Variants in RAB22A observed in about 807,000 individuals in gnomAD.
RAB22A encodes the protein RAB22A, member RAS oncogene family.
In RAB22A, 13 loss-of-function variants were observed where a neutral mutation model predicts 30.2. The observed-to-expected ratio is 0.43, with a 90% CI of 0.28 to 0.68. RAB22A has a LOEUF of 0.68. RAB22A is among the 30% of genes least tolerant of loss of function. The pLI is 0.18. For synonymous variants in RAB22A, 89 were observed against 87.2 expected (o/e 1.02, Z -0.11); for missense variants, 177 against 246.8 (o/e 0.72, Z 1.89).
rs943455603 is a variant in RAB22A, at chr20:58,317,374, G to A, written c.116+6252G>A. ...GGCCTCCCAAAGTGCTGGGATTGCA[G>A]GCATGAGCCGCCGTGCCTGGCCAAC... On this transcript the variant is annotated intron_variant, in intron 2 of 6. Transcript: ENST00000244040. Among the ~76,000 whole-genome samples, 76 of 152,068 alleles carry A rather than the reference G, an allele frequency of 5.0e-4. 1 individual carries two copies. Among genetic ancestry groups the A allele is most frequent in the South Asian group, 2.5e-3 (12 of 4,808 alleles).
At chr20:58,344,499 C>T (rs1986911316) in intron 3 of RAB22A, among the ~76,000 whole-genome samples, 2 of 152,188 alleles carry the variant, frequency 1.3e-5, no homozygotes, top group South Asian at 2.1e-4. Context: ...GGTACTAAGA[C>T]ACATCTGCTG....
intron 3 of RAB22A, among the ~76,000 whole-genome samples, chr20:58,348,074 A>G (rs1986981574): frequency 6.6e-6 from 1 of 152,152 alleles, no homozygotes; most frequent in South Asian, 2.1e-4. Context: ...TAAAAATACA[A>G]AAATTAGCCA....
In RAB22A at chr20:58,362,463, G is replaced by A. The variant is rs183425174; in HGVS notation, c.*2760G>A. On this transcript the variant is annotated 3_prime_UTR_variant, in exon 7 of 7. Coordinates refer to ENST00000244040, the MANE Select transcript of RAB22A (RefSeq NM_020673.3). ...CATGTTTGGTTTTCTTACGATACAG[G>A]GCCATTTTTTTAAAACTCTCAGGAC... The A allele has an allele frequency of 2.5e-4, 38 of 152,164 alleles. No individual in the cohort carries two copies. The highest frequency in any genetic ancestry group is 8.2e-4 in the African/African-American group (34 of 41,516). 9.4% of individuals were successfully genotyped at this position (152,164 alleles called of 1,614,324 possible). A position where few individuals can be genotyped will look rare whatever the true frequency, so the allele number is the denominator to read the frequency against.
intron 2 of RAB22A, among the ~76,000 whole-genome samples, chr20:58,314,069 G>C (rs1017170521): frequency 1.4e-5 from 2 of 141,430 alleles, no homozygotes; most frequent in Non-Finnish European, 3.0e-5. Context: ...TTTTTTTTGA[G>C]ACTGAGTCTC....
intron 2 of RAB22A, among the ~76,000 whole-genome samples, chr20:58,340,814 G>A (rs1986842700): frequency 6.6e-6 from 1 of 152,226 alleles, no homozygotes; most frequent in Non-Finnish European, 1.5e-5. Context: ...GATGGCACAG[G>A]TGTCTATGGT....
intron 5 of RAB22A, among the ~76,000 whole-genome samples, chr20:58,353,767 G>A (rs373997815): frequency 1.1e-4 from 17 of 152,218 alleles, no homozygotes; most frequent in South Asian, 4.1e-4. Context: ...TACTGGTTGC[G>A]TTGCATCCAA....
chr20:58,333,908 AT>A (rs1004592229), intron 2 of RAB22A, among the ~76,000 whole-genome samples: 8 of 152,160 alleles, frequency 5.3e-5, no homozygotes, highest in Non-Finnish European at 1.2e-4. Context: ...GAATGAAAAA[AT>A]TAGCTGGATT....
intron 2 of RAB22A, among the ~76,000 whole-genome samples, chr20:58,322,021 C>T (rs960806303): frequency 2.6e-5 from 4 of 152,200 alleles, no homozygotes; most frequent in Non-Finnish European, 5.9e-5. Context: ...TGGTCTCAAA[C>T]CCCTGGGCTC....
At chr20:58,332,127 A>G (rs1196668576) in intron 2 of RAB22A, among the ~76,000 whole-genome samples, 1 of 152,248 alleles carries the variant, frequency 6.6e-6, no homozygotes, top group Non-Finnish European at 1.5e-5. Context: ...ATAAAAAGTC[A>G]CAAGAGACCA....
intron 2 of RAB22A, among the ~76,000 whole-genome samples, chr20:58,341,802 A>G (rs544726183): frequency 5.9e-4 from 90 of 152,278 alleles, no homozygotes; most frequent in Middle Eastern, 3.4e-3. Flanking sequence ...ATTATTGTGT[A>G]TACCTTTCTC....
intron 2 of RAB22A, among the ~76,000 whole-genome samples, chr20:58,339,294 AAG>A (rs1986816922): frequency 6.6e-6 from 1 of 152,262 alleles, no homozygotes; most frequent in Non-Finnish European, 1.5e-5. Context: ...AAGCAGAGTG[AAG>A]AGAGATGGTT....
intron 6 of RAB22A, among the ~76,000 whole-genome samples, chr20:58,354,954 C>G (rs1987108936): frequency 6.6e-6 from 1 of 152,086 alleles, no homozygotes; most frequent in Admixed American, 6.5e-5. Context: ...ATAACTGATA[C>G]AAAGAAAATA....
intron 3 of RAB22A, among the ~76,000 whole-genome samples, chr20:58,348,506 C>T (rs1986988633): frequency 6.6e-6 from 1 of 152,168 alleles, no homozygotes; most frequent in East Asian, 1.9e-4. Context: ...GGCCAGTGCA[C>T]AGTTACCATC....
In RAB22A at chr20:58,359,994, G is replaced by C. The variant is rs1056184677; in HGVS notation, c.*291G>C. 3.4e-5 allele frequency: 6 copies of C among 177,494 alleles called. No homozygotes were observed. Among genetic ancestry groups the C allele is most frequent in the Non-Finnish European group, 7.1e-5 (6 of 84,534 alleles). The allele number at this position is 177,494 out of a possible 1,614,324, so 11.0% of individuals were successfully genotyped here. On this transcript the variant is annotated 3_prime_UTR_variant, in exon 7 of 7. Transcript: ENST00000244040. ...GTATGGATGGTAGGATTAAGTTGTT[G>C]AGTAGTTTTGTAATCAAGATTTTAT...
At chr20:58,341,321 G>A (rs376229501) in intron 2 of RAB22A, among the ~76,000 whole-genome samples, 5 of 152,278 alleles carry the variant, frequency 3.3e-5, no homozygotes, top group East Asian at 3.9e-4. Flanking sequence ...CAGACAAAGC[G>A]TAGAATCTTC....
chr20:58,359,980 A>G lies in RAB22A; in HGVS notation c.*277A>G, dbSNP rs1228914513. The G allele has an allele frequency of 5.2e-6, 1 of 190,610 alleles. No individual in the cohort carries two copies. 11.8% of individuals were successfully genotyped at this position (190,610 alleles called of 1,614,324 possible). Reference sequence around the variant, plus strand: ...AGGAACATATAATTGTATGGATGGTAGGATTAAGTTGTTGAGTAGTTTTGT... The same window carrying G: ...AGGAACATATAATTGTATGGATGGTGGGATTAAGTTGTTGAGTAGTTTTGT... On this transcript the variant is annotated 3_prime_UTR_variant, in exon 7 of 7. Coordinates refer to ENST00000244040, the MANE Select transcript of RAB22A (RefSeq NM_020673.3).
intron 3 of RAB22A, among the ~76,000 whole-genome samples, chr20:58,350,958 G>T (rs1445899816): frequency 6.6e-6 from 1 of 152,150 alleles, no homozygotes; most frequent in Non-Finnish European, 1.5e-5. Context: ...GTAGTACAAA[G>T]AATGGTAGGA....
rs1454073041 is a variant in RAB22A at position 58,363,511 on chromosome 20, T to C, written c.*3808T>C. The C allele has an allele frequency of 6.6e-6, 1 of 152,214 alleles. No homozygotes were observed. Among genetic ancestry groups the C allele is most frequent in the Non-Finnish European group, 1.5e-5 (1 of 68,048 alleles). 9.4% of individuals were successfully genotyped at this position (152,214 alleles called of 1,614,324 possible). On this transcript the variant is annotated 3_prime_UTR_variant, in exon 7 of 7. Transcript: ENST00000244040. ...CTAGAACATTTGGGAAATGACAAAC[T>C]CAGGCTGGCTCTCCTCTCTAACCTC...
rs991566217 is a variant in RAB22A at position 58,309,779 on chromosome 20, C to T, written c.-198C>T. On this transcript the variant is annotated 5_prime_UTR_variant, in exon 1 of 7. Coordinates refer to ENST00000244040, the MANE Select transcript of RAB22A (RefSeq NM_020673.3). ...GCTCCCGGAAGGCCGCGGCGGCGTC[C>T]CGGCTGCTAAGGCGGGCCCCACGCG... 4 of 379,750 alleles carry T rather than the reference C, an allele frequency of 1.1e-5. No homozygotes were observed. The highest frequency in any genetic ancestry group is 9.7e-5 in the East Asian group (2 of 20,692). 23.5% of individuals were successfully genotyped at this position (379,750 alleles called of 1,614,324 possible).
Sources: gnomAD v4.1 joint callset for allele counts (sites outside exome capture counted in the v4.1 genomes callset) on GRCh38, gnomAD v4.1.1 for gene constraint, MANE v1.5 for transcripts, NCBI Gene and HGNC (gene_info 2026-07-23, HGNC 2026-07-21) for gene names.